Variants in CAST observed in about 807,000 individuals in gnomAD.
The protein encoded by CAST is calpastatin.
In CAST, 76 loss-of-function variants were observed where a neutral mutation model predicts 119.6. The ratio of observed to expected loss-of-function variants is 0.64; its 90% CI spans 0.53 to 0.77. The LOEUF is 0.77. Among genes scored for constraint, CAST ranks in the 30% least tolerant of loss-of-function variants. The pLI, the probability that CAST is intolerant of heterozygous loss-of-function variation, is 0.00. For synonymous variants in CAST, 319 were observed against 331.6 expected (o/e 0.96, Z 0.41); for missense variants, 953 against 946.5 (o/e 1.01, Z -0.09).
chr5:96,605,738 A>G (rs1747241664), intron 1 of CAST, among the ~76,000 whole-genome samples: 1 of 152,260 alleles, frequency 6.6e-6, no homozygotes, highest in Non-Finnish European at 1.5e-5. Flanking sequence ...ATCTTATTTC[A>G]TAAGGTAAAG....
At chr5:96,220,548 C>T in the CAST span, among the ~76,000 whole-genome samples, 1 of 152,164 alleles carries the variant, frequency 6.6e-6, no homozygotes, top group Non-Finnish European at 1.5e-5. Context: ...AACATCTTTC[C>T]TAAAATTATA....
the CAST span, among the ~76,000 whole-genome samples, chr5:96,036,244 G>A: frequency 6.6e-6 from 1 of 151,996 alleles, no homozygotes; most frequent in Non-Finnish European, 1.5e-5. Flanking sequence ...AGAGGTGGGA[G>A]TGAGACTATT....
rs1169548600 is a variant in CAST at position 96,675,542 on chromosome 5, G to A, written c.79G>A (p.Val27Ile). 9.9e-6 allele frequency: 16 copies of A among 1,611,132 alleles called. 1 individual carries two copies. The highest frequency in any genetic ancestry group is 1.7e-5 in the Admixed American group (1 of 59,966). Residue 27 changes from valine to isoleucine, a missense_variant, in exon 2 of 32, where the codon GTC becomes ATC. Val to Ile is a conservative substitution (Grantham distance 29). Coordinates refer to ENST00000675179, the MANE Select transcript of CAST (RefSeq NM_001750.7). ...AAAARRTHEHVSEKTSESPSK... is the reference protein window; with the variant it reads ...AAAARRTHEHISEKTSESPSK... The stretch of plus-strand genomic sequence containing the variant: ...ATTATTTTTTACTTTTTTATAGCAT[G>A]TCAGTGAAAAAACCAGTGAATCGCC...
At chr5:96,569,124 C>T (rs904428853) in intron 1 of CAST, among the ~76,000 whole-genome samples, 2 of 152,138 alleles carry the variant, frequency 1.3e-5, no homozygotes, top group South Asian at 2.1e-4. Context: ...AGGTACCAAA[C>T]CAATACAAAC....
chr5:96,370,226 G>C, the CAST span, among the ~76,000 whole-genome samples: 1 of 151,982 alleles, frequency 6.6e-6, no homozygotes, highest in Non-Finnish European at 1.5e-5. Flanking sequence ...ACTTGCCTAA[G>C]ATTACACAAT....
intron 1 of CAST, among the ~76,000 whole-genome samples, chr5:96,567,449 G>A (rs552464529): frequency 5.3e-5 from 8 of 152,180 alleles, no homozygotes; most frequent in Non-Finnish European, 8.8e-5. Flanking sequence ...CTAATTCTCA[G>A]CTCCATTGCA....
At chr5:96,083,499 C>T in the CAST span, among the ~76,000 whole-genome samples, 1 of 152,166 alleles carries the variant, frequency 6.6e-6, no homozygotes, top group Non-Finnish European at 1.5e-5. Flanking sequence ...TGGTGACACA[C>T]TGGGCTAAAA....
chr5:96,542,167 G>A (rs1252828737), intron 1 of CAST, among the ~76,000 whole-genome samples: 1 of 152,014 alleles, frequency 6.6e-6, no homozygotes, highest in Non-Finnish European at 1.5e-5. Flanking sequence ...AAAATTAGCC[G>A]GGCGAGGTGG....
chr5:96,083,826 C>T, the CAST span, among the ~76,000 whole-genome samples: 4 of 152,160 alleles, frequency 2.6e-5, no homozygotes, highest in East Asian at 1.9e-4. Flanking sequence ...TAATTGCCCA[C>T]GCAATAAACC....
chr5:96,481,671 TCAAA>T, the CAST span, among the ~76,000 whole-genome samples: 1 of 152,168 alleles, frequency 6.6e-6, no homozygotes, highest in African/African-American at 2.4e-5. Context: ...CAAAAGGGAC[TCAAA>T]CAACTTTCTC....
chr5:96,442,475 A>G, the CAST span, among the ~76,000 whole-genome samples: 1 of 152,236 alleles, frequency 6.6e-6, no homozygotes, highest in South Asian at 2.1e-4. Flanking sequence ...GGTTTATGTT[A>G]TCCTAAAATG....
the CAST span, among the ~76,000 whole-genome samples, chr5:96,355,043 G>A: frequency 6.6e-6 from 1 of 151,804 alleles, no homozygotes; most frequent in African/African-American, 2.4e-5. Context: ...TTTAAGTTCA[G>A]GGATACATGT....
At chr5:96,416,026 G>C in the CAST span, 1 of 1,577,952 alleles carries the variant, frequency 6.3e-7, no homozygotes, top group Non-Finnish European at 8.7e-7. Flanking sequence ...ACAATCCTCT[G>C]TTTTACCTCC....
At chr5:96,076,308 A>G in the CAST span, among the ~76,000 whole-genome samples, 4 of 152,234 alleles carry the variant, frequency 2.6e-5, no homozygotes, top group African/African-American at 9.6e-5. Context: ...ATATTGCTCT[A>G]AACAACATAT....
the CAST span, among the ~76,000 whole-genome samples, chr5:96,513,154 G>A: frequency 6.6e-6 from 1 of 152,194 alleles, no homozygotes; most frequent in African/African-American, 2.4e-5. Flanking sequence ...GTCAAGTCTT[G>A]TTCCCTCTGC....
the CAST span, among the ~76,000 whole-genome samples, chr5:96,292,665 T>A: frequency 6.6e-6 from 1 of 152,134 alleles, no homozygotes; most frequent in African/African-American, 2.4e-5. Context: ...GATTATTAAC[T>A]GGGAGAATTT....
chr5:96,705,717 T>C (rs1307224118), intron 3 of CAST, among the ~76,000 whole-genome samples: 1 of 152,154 alleles, frequency 6.6e-6, no homozygotes, highest in East Asian at 1.9e-4. Flanking sequence ...AATGTGGCTA[T>C]AACACATTAA....
At chr5:96,721,756 C>T (rs1275034655) in intron 3 of CAST, among the ~76,000 whole-genome samples, 1 of 152,142 alleles carries the variant, frequency 6.6e-6, no homozygotes, top group Non-Finnish European at 1.5e-5. Context: ...CAGTGTAATA[C>T]AAGTTAAGTA....
the CAST span, among the ~76,000 whole-genome samples, chr5:96,404,800 C>T: frequency 6.6e-6 from 1 of 152,072 alleles, no homozygotes; most frequent in African/African-American, 2.4e-5. Flanking sequence ...CCTCTCTAAG[C>T]CTTATTTTTT....
Sources: allele counts gnomAD v4.1 joint callset (sites outside exome capture counted in the v4.1 genomes callset), GRCh38; gene constraint gnomAD v4.1.1; transcripts MANE v1.5; gene names NCBI Gene and HGNC (gene_info 2026-07-23, HGNC 2026-07-21).